Variants in MUSK observed in about 807,000 individuals in gnomAD.
MUSK encodes the protein muscle associated receptor tyrosine kinase.
Under a neutral mutation model 88.7 loss-of-function variants are expected in MUSK, and 55 were observed. The observed-to-expected ratio is 0.62, with a 90% CI of 0.50 to 0.78. The LOEUF is 0.78. MUSK is among the 30% of genes least tolerant of loss of function. The probability of loss-of-function intolerance (pLI) is 0.00; values close to 1 mark genes in which losing one functional copy is unlikely to be tolerated. For missense variants in MUSK, 1,015 were observed against 1,074.3 expected, an observed-to-expected ratio of 0.94 and a Z score of 0.77; for synonymous variants, 387 against 391.9, an observed-to-expected ratio of 0.99 and a Z score of 0.15.
chr9:110,706,695 TG>T (rs2076603554), intron 5 of MUSK, among the ~76,000 whole-genome samples: 1 of 152,154 alleles, frequency 6.6e-6, no homozygotes, highest in Non-Finnish European at 1.5e-5. Context: ...CAGTGGCATA[TG>T]CCCCCTTTAA....
At chr9:110,754,666 C>T (rs1264018866) in intron 7 of MUSK, among the ~76,000 whole-genome samples, 1 of 152,214 alleles carries the variant, frequency 6.6e-6, no homozygotes, top group Non-Finnish European at 1.5e-5. Flanking sequence ...AATAGATCTT[C>T]CTGCTCAGCT....
At chr9:110,715,765 T>C (rs534062933) in intron 5 of MUSK, among the ~76,000 whole-genome samples, 2 of 149,138 alleles carry the variant, frequency 1.3e-5, no homozygotes, top group Non-Finnish European at 1.5e-5. Context: ...ATGTGGTACA[T>C]ATATGCCATG....
chr9:110,741,268 G>C (rs1486504922), intron 6 of MUSK, among the ~76,000 whole-genome samples: 1 of 151,920 alleles, frequency 6.6e-6, no homozygotes, highest in Non-Finnish European at 1.5e-5. Flanking sequence ...ATTTCTATTT[G>C]TGAGTTATAC....
intron 2 of MUSK, among the ~76,000 whole-genome samples, chr9:110,685,101 T>C (rs1349318346): frequency 6.6e-6 from 1 of 152,100 alleles, no homozygotes; most frequent in Non-Finnish European, 1.5e-5. Flanking sequence ...TAGCTGTGGG[T>C]CTGTCATATA....
intron 14 of MUSK, among the ~76,000 whole-genome samples, chr9:110,799,321 C>T (rs1010617014): frequency 6.6e-6 from 1 of 152,116 alleles, no homozygotes; most frequent in South Asian, 2.1e-4. Flanking sequence ...ATCTAATATT[C>T]CAAGTTCTCC....
At position 110,767,970 on chromosome 9, in the gene MUSK, T is replaced by G. The variant is rs199891500; in HGVS notation, c.1071T>G (p.Asn357Lys). Residue 357 changes from asparagine (N) to lysine (K), a missense_variant, in exon 9 of 15, where the codon AAT (asparagine) becomes AAG (lysine). Asn to Lys is a moderately conservative substitution (Grantham distance 94). Coordinates refer to ENST00000374448, the MANE Select transcript of MUSK (RefSeq NM_005592.4). The part of the protein sequence containing the change: ...AQELLVHTAW[N>K]ELKVVSPVCR... ...AGCTACTGGTCCACACGGCCTGGAA[T>G]GAACTGAAAGTAGTGAGCCCAGTCT... The G allele has an allele frequency of 6.2e-7, 1 of 1,613,952 alleles. No homozygotes were observed.
chr9:110,713,741 T>C (rs534016850), intron 5 of MUSK, among the ~76,000 whole-genome samples: 56 of 152,272 alleles, frequency 3.7e-4, no homozygotes, highest in African/African-American at 1.2e-3. Context: ...AGATTAAGTT[T>C]ATGGCTTCTA....
chr9:110,688,102 C>CTA (rs1039614988), intron 3 of MUSK, among the ~76,000 whole-genome samples: 5 of 152,058 alleles, frequency 3.3e-5, no homozygotes, highest in African/African-American at 1.2e-4. Context: ...TTTTGTATTC[C>CTA]TATACAAAAT....
chr9:110,728,782 TG>T (rs1259378330), intron 5 of MUSK: 1 of 1,378,982 alleles, frequency 7.3e-7, no homozygotes, highest in African/African-American at 1.5e-5. Context: ...TGTTTATTTT[TG>T]TTGACCTTAT....
chr9:110,746,873 C>T (rs550505824), intron 6 of MUSK, among the ~76,000 whole-genome samples: 1 of 152,308 alleles, frequency 6.6e-6, no homozygotes, highest in Admixed American at 6.5e-5. Context: ...TTCCTGACAA[C>T]CATCCACCTA....
intron 5 of MUSK, among the ~76,000 whole-genome samples, chr9:110,723,417 A>T (rs1432330135): frequency 6.6e-6 from 1 of 152,080 alleles, no homozygotes; most frequent in Non-Finnish European, 1.5e-5. Context: ...GGGAGCTAAG[A>T]TAATGAGGAT....
intron 6 of MUSK, among the ~76,000 whole-genome samples, chr9:110,744,725 A>G (rs893772351): frequency 2.0e-5 from 3 of 152,184 alleles, no homozygotes; most frequent in Non-Finnish European, 1.5e-5. Flanking sequence ...ACTTAGAAAG[A>G]CAGAACATCA....
intron 1 of MUSK, among the ~76,000 whole-genome samples, 181 bp downstream of exon 1, chr9:110,669,164 A>C (rs2075925517): frequency 6.6e-6 from 1 of 152,194 alleles, no homozygotes; most frequent in African/African-American, 2.4e-5. Context: ...TGGTCTCTCT[A>C]CCAATATTTT....
intron 5 of MUSK, among the ~76,000 whole-genome samples, chr9:110,730,327 A>AT (rs974372094): frequency 1.8e-4 from 28 of 152,028 alleles, no homozygotes; most frequent in African/African-American, 6.8e-4. Flanking sequence ...GGGTTTGATG[A>AT]TTTTTTTGTT....
At chr9:110,681,071 T>TATAA (rs1491498779) in intron 1 of MUSK, among the ~76,000 whole-genome samples, 1 of 30,312 alleles carries the variant, frequency 3.3e-5, no homozygotes, top group East Asian at 6.7e-4. Flanking sequence ...ATATATAATA[T>TATAA]TATATATATT....
chr9:110,689,711 CTATATATGTT>C (rs2076273417), intron 3 of MUSK, among the ~76,000 whole-genome samples: 1 of 32,704 alleles, frequency 3.1e-5, no homozygotes, highest in Non-Finnish European at 4.9e-5. Context: ...AAATATATAA[CTATATATGTT>C]ATATATAGTT....
chr9:110,799,072 C>T (rs778207537), intron 14 of MUSK, among the ~76,000 whole-genome samples: 1 of 151,978 alleles, frequency 6.6e-6, no homozygotes, highest in Non-Finnish European at 1.5e-5. Context: ...AAAAAGGATC[C>T]CACAGAAGAA....
rs536582275 is a variant in MUSK, at chr9:110,690,859, T to A, written c.358+3591T>A. Reference sequence around the variant, plus strand: ...ATAAATATAAGTATATATATAAATATATATATTTAAATAAATATATATATA... The same window carrying A: ...ATAAATATAAGTATATATATAAATAAATATATTTAAATAAATATATATATA... On this transcript the variant is annotated intron_variant, in intron 3 of 14. Transcript: ENST00000374448. Among the ~76,000 whole-genome samples, 223 of 135,974 alleles carry A rather than the reference T, an allele frequency of 1.6e-3. 1 individual carries two copies. The highest frequency in any genetic ancestry group is 5.8e-3 in the African/African-American group (212 of 36,596). The allele number at this position is 135,974 out of a possible 152,430, so 89.2% of individuals were successfully genotyped here. A position where few individuals can be genotyped will look rare whatever the true frequency, so the allele number is the denominator to read the frequency against.
intron 7 of MUSK, among the ~76,000 whole-genome samples, chr9:110,758,098 G>A (rs1364036198): frequency 1.3e-5 from 2 of 151,996 alleles, no homozygotes; most frequent in Non-Finnish European, 2.9e-5. Flanking sequence ...CAAATAGCTG[G>A]GACTACAGGT....
Sources: gnomAD v4.1 joint callset for allele counts (sites outside exome capture counted in the v4.1 genomes callset) on GRCh38, gnomAD v4.1.1 for gene constraint, MANE v1.5 for transcripts, NCBI Gene and HGNC (gene_info 2026-07-23, HGNC 2026-07-21) for gene names.